The following SLC24A2 variants were observed in gnomAD, a reference collection of about 807,000 sequenced individuals.
The protein encoded by SLC24A2 is solute carrier family 24 member 2, also known as sodium/potassium/calcium exchanger 2.
SLC24A2 carries 36 observed loss-of-function variants against 62.0 expected under a neutral mutation model. The ratio of observed to expected loss-of-function variants is 0.58; its 90% CI spans 0.44 to 0.77. SLC24A2 has a LOEUF of 0.77. Ranked by LOEUF, SLC24A2 falls within the 30% of genes least tolerant of loss-of-function variation. SLC24A2 has a pLI of 0.00. For synonymous variants in SLC24A2, 358 were observed against 294.0 expected, an observed-to-expected ratio of 1.22 and a Z score of -2.23; for missense variants, 846 against 817.9, an observed-to-expected ratio of 1.03 and a Z score of -0.42.
the SLC24A2 span, among the ~76,000 whole-genome samples, chr9:20,143,594 T>G: frequency 0.096 from 14,628 of 152,164 alleles, 1,563 homozygotes; most frequent in East Asian, 0.54. Context: ...TGTTTCTGCT[T>G]CCTAACAATT....
At position 19,683,224 on chromosome 9, in the gene SLC24A2, C is replaced by T. The variant is rs147042850; in HGVS notation, c.931-60925G>A. Among the ~76,000 whole-genome samples, 171 of 152,248 alleles carry T rather than the reference C, an allele frequency of 1.1e-3. 1 individual carries two copies. Among genetic ancestry groups the T allele is most frequent in the African/African-American group, 3.6e-3 (150 of 41,562 alleles). On this transcript the variant is annotated intron_variant, in intron 2 of 10. Transcript: ENST00000341998. ...GGTAAAACTCTGAAAGCAAATCCCCCACAGGCAAGATGCAGTTTAGTGGGA... is the reference window on the plus strand; with the variant it reads ...GGTAAAACTCTGAAAGCAAATCCCCTACAGGCAAGATGCAGTTTAGTGGGA...
chr9:20,133,003 C>T, the SLC24A2 span, among the ~76,000 whole-genome samples: 12 of 152,008 alleles, frequency 7.9e-5, no homozygotes, highest in Non-Finnish European at 1.3e-4. Context: ...AGTTAATGAA[C>T]CAAATTTCAA....
the SLC24A2 span, among the ~76,000 whole-genome samples, chr9:19,844,595 G>A: frequency 1.3e-5 from 2 of 151,936 alleles, no homozygotes; most frequent in Non-Finnish European, 2.9e-5. Context: ...CTTTCCCAAG[G>A]CCAATGTCTG....
At chr9:19,562,103 G>A (rs777981474) in intron 7 of SLC24A2, among the ~76,000 whole-genome samples, 3 of 152,188 alleles carry the variant, frequency 2.0e-5, no homozygotes, top group Admixed American at 6.5e-5. Flanking sequence ...ATTCTGAGGT[G>A]CAACTTATGG....
At chr9:20,150,015 A>G in the SLC24A2 span, among the ~76,000 whole-genome samples, 1 of 152,184 alleles carries the variant, frequency 6.6e-6, no homozygotes, top group African/African-American at 2.4e-5. Context: ...GCATGTGACT[A>G]TAGGAGATGT....
the SLC24A2 span, among the ~76,000 whole-genome samples, chr9:20,056,686 G>T: frequency 9.2e-5 from 14 of 152,134 alleles, no homozygotes; most frequent in African/African-American, 3.1e-4. Flanking sequence ...ACCAAAGCAA[G>T]GGCATATGAC....
At chr9:20,092,000 C>T in the SLC24A2 span, among the ~76,000 whole-genome samples, 7 of 152,208 alleles carry the variant, frequency 4.6e-5, no homozygotes, top group South Asian at 1.2e-3. Flanking sequence ...AACAGAAAAC[C>T]GAATACCACC....
the SLC24A2 span, among the ~76,000 whole-genome samples, chr9:19,802,455 T>C: frequency 1.1e-4 from 17 of 152,236 alleles, no homozygotes; most frequent in African/African-American, 3.4e-4. Flanking sequence ...TTTCTCAACA[T>C]TTCTGTTAAA....
chr9:20,012,804 T>A, the SLC24A2 span, among the ~76,000 whole-genome samples: 2 of 151,938 alleles, frequency 1.3e-5, no homozygotes, highest in African/African-American at 2.4e-5. Flanking sequence ...CCATTTACAA[T>A]AGCAACAAAA....
chr9:19,720,689 A>ACC (rs370571898), intron 2 of SLC24A2, among the ~76,000 whole-genome samples: 67 of 77,576 alleles, frequency 8.6e-4, no homozygotes, highest in African/African-American at 1.5e-3. Flanking sequence ...TACAATGACA[A>ACC]CCCCCCCCCC....
At chr9:20,191,840 A>C in the SLC24A2 span, among the ~76,000 whole-genome samples, 1 of 152,120 alleles carries the variant, frequency 6.6e-6, no homozygotes, top group Non-Finnish European at 1.5e-5. Flanking sequence ...TTCCAGAACA[A>C]AACCAACTAT....
the SLC24A2 span, among the ~76,000 whole-genome samples, chr9:20,224,789 T>A: frequency 6.6e-6 from 1 of 152,040 alleles, no homozygotes; most frequent in Non-Finnish European, 1.5e-5. Context: ...CCTGCCCAGA[T>A]CATTTTCGTG....
the SLC24A2 span, among the ~76,000 whole-genome samples, chr9:20,037,080 T>A: frequency 6.6e-6 from 1 of 152,050 alleles, no homozygotes; most frequent in African/African-American, 2.4e-5. Context: ...GTACTTTTAG[T>A]AGAAATGGAG....
the SLC24A2 span, among the ~76,000 whole-genome samples, chr9:20,046,954 T>A: frequency 6.6e-6 from 1 of 152,154 alleles, no homozygotes; most frequent in South Asian, 2.1e-4. Context: ...CTTTCTAGTG[T>A]CCAGATGGAA....
chr9:19,983,060 A>G, the SLC24A2 span, among the ~76,000 whole-genome samples: 1 of 152,318 alleles, frequency 6.6e-6, no homozygotes, highest in East Asian at 1.9e-4. Context: ...ATCATATTCA[A>G]TGGTGAAATA....
At chr9:19,826,189 AAAG>A in the SLC24A2 span, among the ~76,000 whole-genome samples, 11 of 151,460 alleles carry the variant, frequency 7.3e-5, no homozygotes, top group Non-Finnish European at 1.5e-4. Context: ...AAAAAAAAAA[AAAG>A]GCTCAGCAAA....
At chr9:20,038,196 C>T in the SLC24A2 span, among the ~76,000 whole-genome samples, 2 of 152,204 alleles carry the variant, frequency 1.3e-5, no homozygotes, top group Admixed American at 6.5e-5. Flanking sequence ...TTGAATTCCA[C>T]CTCTGCCATT....
At chr9:19,941,590 T>TGTGTGTGTGTGAGAGAGA in the SLC24A2 span, among the ~76,000 whole-genome samples, 2 of 127,916 alleles carry the variant, frequency 1.6e-5, no homozygotes, top group African/African-American at 2.9e-5. Context: ...TGTGTGTGTG[T>TGTGTGTGTGTGAGAGAGA]GAGAGAGAGA....
the SLC24A2 span, among the ~76,000 whole-genome samples, chr9:20,265,315 C>T: frequency 6.6e-6 from 1 of 152,134 alleles, no homozygotes; most frequent in Non-Finnish European, 1.5e-5. Flanking sequence ...GAATAGTCGC[C>T]GAGTTGTTGC....
Sources: allele counts gnomAD v4.1 joint callset (sites outside exome capture counted in the v4.1 genomes callset), GRCh38; gene constraint gnomAD v4.1.1; transcripts MANE v1.5; gene names NCBI Gene and HGNC (gene_info 2026-07-23, HGNC 2026-07-21).